Variants in CREM observed in about 807,000 individuals in gnomAD.
CREM encodes the protein cAMP-responsive element modulator.
Under a neutral mutation model 37.3 loss-of-function variants are expected in CREM, and 13 were observed. That is an observed-to-expected ratio of 0.35 (90% CI 0.23 to 0.55). CREM has a LOEUF of 0.55. Ranked by LOEUF, CREM falls within the 20% of genes least tolerant of loss-of-function variation. CREM has a pLI of 0.88. For missense variants in CREM, 296 were observed against 362.3 expected (o/e 0.82, Z 1.49); for synonymous variants, 124 against 120.2 (o/e 1.03, Z -0.21).
At chr10:35,165,735 ACATATCT>A (rs886156622) in intron 3 of CREM, among the ~76,000 whole-genome samples, 15 of 151,646 alleles carry the variant, frequency 9.9e-5, no homozygotes, top group African/African-American at 3.1e-4. Context: ...AATAAGTGAA[ACATATCT>A]CATATTGGTT....
At chr10:35,135,431 T>C (rs1380717278) in intron 1 of CREM, 2 of 151,936 alleles carry the variant, frequency 1.3e-5, no homozygotes, top group East Asian at 3.9e-4. Flanking sequence ...CTGTAGAAAA[T>C]CGGTAGTATA....
At chr10:35,146,501 A>T (rs564595621) in intron 2 of CREM, among the ~76,000 whole-genome samples, 1 of 152,310 alleles carries the variant, frequency 6.6e-6, no homozygotes, top group Admixed American at 6.5e-5. Context: ...AACCTGCAGA[A>T]CTAATGTCCT....
intron 3 of CREM, among the ~76,000 whole-genome samples, chr10:35,155,775 G>A (rs1420934047): frequency 6.6e-6 from 1 of 150,924 alleles, no homozygotes; most frequent in Admixed American, 6.6e-5. Flanking sequence ...CTACAGGCGC[G>A]TGCCACCACA....
At chr10:35,171,103 T>C (rs571692270) in intron 3 of CREM, 1 of 151,584 alleles carries the variant, frequency 6.6e-6, no homozygotes, top group Non-Finnish European at 1.5e-5. Context: ...ATTGTAAGGA[T>C]ATGGTTTATG....
chr10:35,140,208 A>T (rs2091231052), intron 2 of CREM, among the ~76,000 whole-genome samples: 1 of 152,170 alleles, frequency 6.6e-6, no homozygotes, highest in African/African-American at 2.4e-5. Flanking sequence ...CGTGCTAGGT[A>T]CTCTGGCAGA....
Position 35,127,017 on chromosome 10 carries a change from C to G in CREM, c.-231C>G, listed in dbSNP as rs1276699841. Reference sequence around the variant, plus strand: ...TGCAGCGCTACTTTTGGTCCGGGGTCGGCAGGGAGGCCGCGGCTACCGCAT... The same window carrying G: ...TGCAGCGCTACTTTTGGTCCGGGGTGGGCAGGGAGGCCGCGGCTACCGCAT... On this transcript the variant is annotated 5_prime_UTR_variant, in exon 1 of 8. Coordinates refer to ENST00000685392, the MANE Select transcript of CREM (RefSeq NM_183011.2). The G allele has an allele frequency of 9.8e-5, 15 of 152,648 alleles. No individual in the cohort carries two copies. Among genetic ancestry groups the G allele is most frequent in the African/African-American group, 3.1e-4 (13 of 41,518 alleles). 9.5% of individuals were successfully genotyped at this position (152,648 alleles called of 1,614,324 possible).
At chr10:35,163,213 G>A (rs35126129) in intron 3 of CREM, among the ~76,000 whole-genome samples, 45,576 of 151,526 alleles carry the variant, frequency 0.3, 7,260 homozygotes, top group South Asian at 0.35. Flanking sequence ...CTGTCTCAAC[G>A]CAACAAAAAA....
chr10:35,188,748 C>G (rs1426054596), intron 6 of CREM, among the ~76,000 whole-genome samples: 1 of 151,152 alleles, frequency 6.6e-6, no homozygotes, highest in African/African-American at 2.4e-5. Context: ...CAACCTGTCT[C>G]CTGGGTTCAA....
chr10:35,148,557 G>A, intron 3 of CREM, 66 bp downstream of exon 3: 1 of 1,518,950 alleles, frequency 6.6e-7, no homozygotes, highest in Non-Finnish European at 8.9e-7. Context: ...TGCAGATTCT[G>A]TTTTCTTGCC....
At chr10:35,204,268 T>A (rs2095463477) in intron 6 of CREM, among the ~76,000 whole-genome samples, 1 of 152,188 alleles carries the variant, frequency 6.6e-6, no homozygotes. Context: ...AAAAACAAAT[T>A]TAGGACTTTT....
chr10:35,127,025 A>C lies in CREM; in HGVS notation c.-223A>C, dbSNP rs1348188183. The stretch of plus-strand genomic sequence containing the variant: ...TACTTTTGGTCCGGGGTCGGCAGGG[A>C]GGCCGCGGCTACCGCATCACAGCTG... On this transcript the variant is annotated 5_prime_UTR_variant, in exon 1 of 8. Transcript: ENST00000685392. 1 of 152,480 alleles carries C rather than the reference A, an allele frequency of 6.6e-6. No homozygotes were observed. The highest frequency in any genetic ancestry group is 2.4e-5 in the African/African-American group (1 of 41,386). The allele number at this position is 152,480 out of a possible 1,614,324, so 9.4% of individuals were successfully genotyped here. A position where few individuals can be genotyped will look rare whatever the true frequency, so the allele number is the denominator to read the frequency against.
intron 3 of CREM, among the ~76,000 whole-genome samples, chr10:35,166,035 T>A (rs1048794030): frequency 2.6e-5 from 4 of 152,094 alleles, no homozygotes; most frequent in African/African-American, 4.8e-5. Flanking sequence ...ACAATGATCC[T>A]TTTCCCCCTT....
In CREM at chr10:35,172,335, TGTG is replaced by T. The variant is rs369125976; in HGVS notation, c.169-6550_169-6548del. Among the ~76,000 whole-genome samples, 21 of 152,186 alleles carry T rather than the reference TGTG, an allele frequency of 1.4e-4. No individual in the cohort carries two copies. In the East Asian group the frequency reaches 4.1e-3, roughly 29 times the overall value. On this transcript the variant is annotated intron_variant, in intron 3 of 7. Coordinates refer to ENST00000685392, the MANE Select transcript of CREM (RefSeq NM_183011.2). ...TAGTGTGGAATAGCTGTTTTCAAAG[TGTG>T]GTGTGCAGAACCCTGGGGGTGACTC...
chr10:35,179,268 G>A lies in CREM; in HGVS notation c.401G>A (p.Gly134Glu), dbSNP rs2094244274. 1.9e-6 allele frequency: 3 copies of A among 1,613,856 alleles called. No individual in the cohort carries two copies. The highest frequency in any genetic ancestry group is 1.3e-5 in the African/African-American group (1 of 74,894). The change falls in exon 5 of 8, where the codon GGG (glycine) becomes GAG (glutamate). Residue 134 changes from glycine to glutamate, a missense_variant. Coordinates refer to ENST00000685392, the MANE Select transcript of CREM (RefSeq NM_183011.2). ...VPTSIYQTST[G>E]QYIAIAQGGT... is the part of the protein sequence containing the mutation. ...ACTAGCATATATCAGACTAGCACGG[G>A]GCAATACAGTATGTATGCTGCAATT...
At chr10:35,168,421 T>C (rs2093653860) in intron 3 of CREM, among the ~76,000 whole-genome samples, 1 of 152,248 alleles carries the variant, frequency 6.6e-6, no homozygotes, top group African/African-American at 2.4e-5. Context: ...GTTCATATCC[T>C]TCGCCCACTT....
intron 6 of CREM, chr10:35,196,379 C>T (rs1382365091): frequency 6.7e-6 from 3 of 450,254 alleles, no homozygotes; most frequent in African/African-American, 4.0e-5. Flanking sequence ...TACTAATAAC[C>T]TTTGTGTGCT....
At chr10:35,193,109 C>T (rs2094989810) in intron 6 of CREM, among the ~76,000 whole-genome samples, 1 of 152,168 alleles carries the variant, frequency 6.6e-6, no homozygotes, top group Admixed American at 6.5e-5. Flanking sequence ...ACTGTACTTC[C>T]TTAGGCACAT....
At chr10:35,159,255 C>CA (rs1363054625) in intron 3 of CREM, among the ~76,000 whole-genome samples, 2 of 151,304 alleles carry the variant, frequency 1.3e-5, no homozygotes, top group Non-Finnish European at 2.9e-5. Context: ...ATTTGAAAGT[C>CA]AAGACTCTTT....
rs111269835 is a variant in CREM at position 35,144,149 on chromosome 10, C to T, written c.45-4219C>T. ...GGAACAGCAGCTCAACTGCTTTGTCCAGTGTGGTGATGGGAGGTTACAGTG... is the reference window on the plus strand; with the variant it reads ...GGAACAGCAGCTCAACTGCTTTGTCTAGTGTGGTGATGGGAGGTTACAGTG... On this transcript the variant is annotated intron_variant, in intron 2 of 7. Transcript: ENST00000685392. Among the ~76,000 whole-genome samples the T allele has an allele frequency of 6.1e-3, 934 of 152,232 alleles. 12 individuals carry two copies. The highest frequency in any genetic ancestry group is 0.021 in the African/African-American group (886 of 41,526).
Sources: allele counts gnomAD v4.1 joint callset (sites outside exome capture counted in the v4.1 genomes callset), GRCh38; gene constraint gnomAD v4.1.1; transcripts MANE v1.5; gene names NCBI Gene and HGNC (gene_info 2026-07-23, HGNC 2026-07-21).